TAC3: variants seen among roughly 807,000 people sequenced by gnomAD.
TAC3 encodes the protein tachykinin-3.
A neutral mutation model predicts 16.5 loss-of-function variants in TAC3; 9 were observed. The observed-to-expected ratio is 0.55, with a 90% CI of 0.33 to 0.95. The LOEUF is 0.95. Among genes scored for constraint, TAC3 ranks in the 40% least tolerant of loss-of-function variants. The probability of loss-of-function intolerance (pLI) is 0.03; values close to 1 mark genes in which losing one functional copy is unlikely to be tolerated. For missense variants in TAC3, 129 were observed against 149.1 expected, an observed-to-expected ratio of 0.87 and a Z score of 0.70; for synonymous variants, 52 against 56.7, an observed-to-expected ratio of 0.92 and a Z score of 0.37.
At chr12:57,010,712 C>A (rs991765693) in intron 6 of TAC3, 26 of 156,052 alleles carry the variant, frequency 1.7e-4, no homozygotes, top group Non-Finnish European at 3.1e-4. Flanking sequence ...AAGCACAGGC[C>A]CAGGGATTAC....
chr12:57,010,235 T>C lies in TAC3; in HGVS notation c.*55A>G, dbSNP rs564071899. Reference sequence around the variant, plus strand: ...AACAGGAGCGTGCGCACCTGGGGATTGGGACAGGGAAAGAGGTCTTCCTAA... The same window carrying C: ...AACAGGAGCGTGCGCACCTGGGGATCGGGACAGGGAAAGAGGTCTTCCTAA... On this transcript the variant is annotated 3_prime_UTR_variant, in exon 7 of 7. Transcript: ENST00000458521. 5.7e-4 allele frequency: 261 copies of C among 453,980 alleles called. 1 individual carries two copies. The Admixed American group carries it at 6.0e-3, about 10-fold the overall frequency. The allele number at this position is 453,980 out of a possible 1,614,324, so 28.1% of individuals were successfully genotyped here. A position where few individuals can be genotyped will look rare whatever the true frequency, so the allele number is the denominator to read the frequency against.
rs1956364692 is a variant in TAC3 at position 57,015,791 on chromosome 12, T to C, written c.7A>G (p.Ile3Val). Residue 3 changes from isoleucine to valine, a missense_variant, in exon 2 of 7, where the codon ATC becomes GTC. Coordinates refer to ENST00000458521, the MANE Select transcript of TAC3 (RefSeq NM_013251.4). ...AGGATGGCTGTGAATAGCAGCATGA[T>C]CCTCATGGTGCCTGGGAGAGCAAAG... Reference protein sequence around the residue: MRIMLLFTAILAF... With the variant: MRVMLLFTAILAF... 1.2e-6 allele frequency: 2 copies of C among 1,613,424 alleles called. No individual in the cohort carries two copies. The highest frequency in any genetic ancestry group is 1.1e-5 in the South Asian group (1 of 91,060).
chr12:57,015,668 G>A lies in TAC3; in HGVS notation c.114+16C>T, dbSNP rs1452060353. 5 of 1,605,702 alleles carry A rather than the reference G, an allele frequency of 3.1e-6. No individual in the cohort carries two copies. In the East Asian group the frequency reaches 1.1e-4, roughly 36 times the overall value. ...GTTCCCGTGATGTCCCCAGTACTCT[G>A]CCAGGGGAGACTTACCTTGCTGCGG... On this transcript the variant is annotated intron_variant, in intron 2 of 6. Transcript: ENST00000458521.
chr12:57,011,952 G>C lies in TAC3; in HGVS notation c.*1+426C>G, dbSNP rs139536063. ...TCTGGGCCCCGTAACCCAGGATTCT[G>C]AGTGATTTGAAAGGCTCAGCCTGCC... On this transcript the variant is annotated intron_variant, in intron 6 of 6. Transcript: ENST00000458521. 3.8e-3 allele frequency among the ~76,000 whole-genome samples: 583 copies of C among 152,348 alleles called. 6 individuals are homozygous for C. The highest frequency in any genetic ancestry group is 0.012 in the African/African-American group (517 of 41,594).
chr12:57,012,187 G>T (rs936858868), intron 6 of TAC3, 191 bp downstream of exon 6: 2 of 605,400 alleles, frequency 3.3e-6, no homozygotes, highest in Non-Finnish European at 6.0e-6. Flanking sequence ...GATGAAAGAC[G>T]GGGGATGTGT....
At chr12:57,012,079 A>G (rs899538300) in intron 6 of TAC3, 6 of 425,126 alleles carry the variant, frequency 1.4e-5, no homozygotes, top group Non-Finnish European at 2.6e-5. Context: ...TGAAGTCCAA[A>G]CAACAGAAAT....
rs1956335020 is a variant in TAC3, at chr12:57,013,686, AAG to A, written c.115-17_115-16del. 3 of 1,602,466 alleles carry A rather than the reference AAG, an allele frequency of 1.9e-6. No homozygotes were observed. Among genetic ancestry groups the A allele is most frequent in the Non-Finnish European group, 2.6e-6 (3 of 1,172,514 alleles). On this transcript the variant is annotated splice_polypyrimidine_tract_variant and intron_variant, in intron 2 of 6. Coordinates refer to ENST00000458521, the MANE Select transcript of TAC3 (RefSeq NM_013251.4). ...TCTGGATCCCTCTAGGGAAGAAACA[AAG>A]AGGGGTGAGGCAGGAGGCTCCCACC...
At chr12:57,013,150 G>C in intron 4 of TAC3, 1 of 734,164 alleles carries the variant, frequency 1.4e-6, no homozygotes, top group South Asian at 1.7e-5. Flanking sequence ...GGACCAGCCA[G>C]CAGAGGGAGA....
intron 1 of TAC3, 115 bp from the exon 2 acceptor site, chr12:57,015,917 C>T: frequency 2.4e-6 from 2 of 818,102 alleles, no homozygotes; most frequent in Non-Finnish European, 2.0e-6. Flanking sequence ...GCTTCCCCAG[C>T]CCCCAACTCC....
At position 57,016,271 on chromosome 12, in the gene TAC3, C is replaced by G. The variant is rs2291856; in HGVS notation, c.-6+116G>C. 7.0e-4 allele frequency: 247 copies of G among 355,116 alleles called. 2 individuals carry two copies. In the East Asian group the frequency reaches 0.016, roughly 23 times the overall value. The allele number at this position is 355,116 out of a possible 1,614,324, so 22.0% of individuals were successfully genotyped here. ...GGCCCTACAGGTGCTTTGTGCTCAC[C>G]TTCCCAGTCCCCTGCTCCCCTATCA... On this transcript the variant is annotated intron_variant, in intron 1 of 6. Coordinates refer to ENST00000458521, the MANE Select transcript of TAC3 (RefSeq NM_013251.4).
In TAC3 at chr12:57,012,806, C is replaced by T; in HGVS notation, c.292+16G>A. On this transcript the variant is annotated intron_variant, in intron 5 of 6. Transcript: ENST00000458521. ...AGTACCCTAAGCCCTTCCACTGTAC[C>T]TCCACACACTCCTACCTGGCTGGAC... 1 of 1,614,144 alleles carries T rather than the reference C, an allele frequency of 6.2e-7. No homozygotes were observed. Among genetic ancestry groups the T allele is most frequent in the Non-Finnish European group, 8.5e-7 (1 of 1,180,000 alleles).
rs371773283 is a variant in TAC3 at position 57,013,411 on chromosome 12, C to T, written c.209-23G>A. The stretch of plus-strand genomic sequence containing the variant: ...GATCTGTGAAACCAAGAACAGATGT[C>T]TAAATGGGGAGTGAAGTTGGAAAGT... On this transcript the variant is annotated intron_variant, in intron 3 of 6. Coordinates refer to ENST00000458521, the MANE Select transcript of TAC3 (RefSeq NM_013251.4). 3.7e-6 allele frequency: 6 copies of T among 1,614,062 alleles called. No homozygotes were observed. In the East Asian group the frequency reaches 6.7e-5, roughly 18 times the overall value.
Position 57,016,495 on chromosome 12 carries a change from A to G in TAC3, c.-114T>C. On this transcript the variant is annotated 5_prime_UTR_variant, in exon 1 of 7. Coordinates refer to ENST00000458521, the MANE Select transcript of TAC3 (RefSeq NM_013251.4). ...ACTGGTGCTGCCGGTGCTCCTGCAA[A>G]GAGAGAAACCGAGTGGAGGGGATCT... 1 of 454,478 alleles carries G rather than the reference A, an allele frequency of 2.2e-6. No individual in the cohort carries two copies. Among genetic ancestry groups the G allele is most frequent in the Admixed American group, 2.3e-5 (1 of 42,562 alleles). The allele number at this position is 454,478 out of a possible 1,614,324, so 28.2% of individuals were successfully genotyped here. A position where few individuals can be genotyped will look rare whatever the true frequency, so the allele number is the denominator to read the frequency against.
intron 2 of TAC3, among the ~76,000 whole-genome samples, chr12:57,013,876 C>G (rs577894368): frequency 6.6e-6 from 1 of 152,178 alleles, no homozygotes; most frequent in African/African-American, 2.4e-5. Context: ...CTACACAGAG[C>G]CTGTTAGAAA....
At position 57,015,775 on chromosome 12, in the gene TAC3, G is replaced by A; in HGVS notation, c.23C>T (p.Thr8Ile). Residue 8 changes from threonine to isoleucine, a missense_variant, in exon 2 of 7, where the codon ACA becomes ATA. By Grantham distance (89) the Thr-to-Ile change is moderately conservative. Transcript: ENST00000458521. ...AGCTAGGCTGAAGGCCAGGATGGCTGTGAATAGCAGCATGATCCTCATGGT... is the reference window on the plus strand; with the variant it reads ...AGCTAGGCTGAAGGCCAGGATGGCTATGAATAGCAGCATGATCCTCATGGT... The part of the protein sequence containing the change: MRIMLLF[T>I]AILAFSLAQS... The A allele has an allele frequency of 1.2e-6, 2 of 1,614,138 alleles. No homozygotes were observed. Among genetic ancestry groups the A allele is most frequent in the Non-Finnish European group, 1.7e-6 (2 of 1,179,998 alleles).
At chr12:57,012,735 C>T (rs767638274) in intron 5 of TAC3, 87 bp downstream of exon 5, 1 of 1,613,684 alleles carries the variant, frequency 6.2e-7, no homozygotes, top group South Asian at 1.1e-5. Flanking sequence ...CCTGTCTTTC[C>T]CTCTGGTGAC....
intron 5 of TAC3, 89 bp from the exon 6 acceptor site, chr12:57,012,541 G>A (rs1201918723): frequency 1.2e-6 from 2 of 1,600,162 alleles, no homozygotes; most frequent in East Asian, 4.5e-5. Context: ...GCTATGACGG[G>A]CAGTGTTCAA....
chr12:57,011,458 C>T (rs777552136), intron 6 of TAC3, among the ~76,000 whole-genome samples: 4 of 152,172 alleles, frequency 2.6e-5, no homozygotes. Context: ...AGTGTCAAGG[C>T]GGAAGGTTCG....
chr12:57,013,308 C>A (rs1250854597), intron 4 of TAC3, 51 bp downstream of exon 4: 1 of 1,607,758 alleles, frequency 6.2e-7, no homozygotes, highest in East Asian at 2.2e-5. Flanking sequence ...CAATGCCCCA[C>A]AGAGCTCTGG....
Sources: allele counts gnomAD v4.1 joint callset (sites outside exome capture counted in the v4.1 genomes callset), GRCh38; gene constraint gnomAD v4.1.1; transcripts MANE v1.5; gene names NCBI Gene and HGNC (gene_info 2026-07-23, HGNC 2026-07-21).